GSE1: variants seen among roughly 807,000 people sequenced by gnomAD.
The protein encoded by GSE1 is Gse1 coiled-coil protein, also known as genetic suppressor element 1.
Under a neutral mutation model 112.6 loss-of-function variants are expected in GSE1, and 32 were observed. The observed-to-expected ratio is 0.28, with a 90% CI of 0.21 to 0.38. The LOEUF (loss-of-function observed/expected upper bound fraction) is 0.38. GSE1 is among the 10% of genes least tolerant of loss of function. The probability of loss-of-function intolerance (pLI) is 1.00; values close to 1 mark genes in which losing one functional copy is unlikely to be tolerated. For missense variants in GSE1, 2,348 were observed against 1,699.2 expected (o/e 1.38, Z -6.71); for synonymous variants, 1,115 against 735.6 (o/e 1.52, Z -8.35).
intron 15 of GSE1, 34 bp downstream of exon 15, chr16:85,671,132 G>A (rs753176351): frequency 1.4e-5 from 17 of 1,220,638 alleles, no homozygotes; most frequent in East Asian, 4.7e-5. Context: ...CTTCAAACAC[G>A]CAACCTTTTG....
chr16:85,624,979 G>A (rs2048972778), intron 1 of GSE1, among the ~76,000 whole-genome samples: 1 of 152,186 alleles, frequency 6.6e-6, no homozygotes, highest in South Asian at 2.1e-4. Context: ...GGGAAGTAAG[G>A]GTACAGGTAG....
At chr16:85,575,914 T>TTC (rs2046209987) in intron 1 of GSE1, among the ~76,000 whole-genome samples, 1 of 152,130 alleles carries the variant, frequency 6.6e-6, no homozygotes, top group Non-Finnish European at 1.5e-5. Context: ...TTTTTTTTTT[T>TTC]TTTTCCCCTT....
chr16:85,626,741 G>A (rs998158324), intron 1 of GSE1, among the ~76,000 whole-genome samples: 3 of 152,136 alleles, frequency 2.0e-5, no homozygotes, highest in East Asian at 1.9e-4. Flanking sequence ...GGGAAGAGCC[G>A]GGATGAAAGG....
At chr16:85,223,439 C>G (rs2017448684) in intron 1 of GSE1, among the ~76,000 whole-genome samples, 1 of 150,048 alleles carries the variant, frequency 6.7e-6, no homozygotes, top group South Asian at 2.1e-4. Context: ...AGGAGAATAG[C>G]TTGAACCCGG....
intron 1 of GSE1, among the ~76,000 whole-genome samples, chr16:85,355,464 C>T (rs1319011124): frequency 6.6e-6 from 1 of 152,188 alleles, no homozygotes; most frequent in Admixed American, 6.5e-5. Context: ...ACCCTGGGCT[C>T]CTACCAACTC....
At chr16:85,289,796 G>A (rs1253559575) in intron 1 of GSE1, among the ~76,000 whole-genome samples, 2 of 152,152 alleles carry the variant, frequency 1.3e-5, no homozygotes, top group Non-Finnish European at 2.9e-5. Context: ...CCCTCAACTG[G>A]TTCAGCCTCT....
chr16:85,489,267 A>G (rs2050935685), intron 2 of GSE1, among the ~76,000 whole-genome samples: 1 of 151,646 alleles, frequency 6.6e-6, no homozygotes, highest in African/African-American at 2.4e-5. Flanking sequence ...GCCCCTCCCC[A>G]TCCTGGATGG....
At chr16:85,431,281 A>G (rs1567481349) in intron 2 of GSE1, among the ~76,000 whole-genome samples, 1 of 152,206 alleles carries the variant, frequency 6.6e-6, no homozygotes, top group East Asian at 1.9e-4. Context: ...GCCAGCCTCC[A>G]GGCCCTGTCC....
At chr16:85,467,677 C>T (rs966875925) in intron 2 of GSE1, among the ~76,000 whole-genome samples, 5 of 152,180 alleles carry the variant, frequency 3.3e-5, no homozygotes, top group African/African-American at 1.2e-4. Context: ...CCTTTCCTGA[C>T]CTAGCCAAAG....
rs572333548 is a variant in GSE1 at position 85,311,358 on chromosome 16, C to T, written c.2284-46105C>T. Among the ~76,000 whole-genome samples, 1 of 152,198 alleles carries T rather than the reference C, an allele frequency of 6.6e-6. No homozygotes were observed. The highest frequency in any genetic ancestry group is 1.5e-5 in the Non-Finnish European group (1 of 68,012). On this transcript the variant is annotated intron_variant, in intron 1 of 2. Coordinates refer to the GSE1 transcript ENST00000637419. The surrounding 1 kb of genome is among the most constrained non-coding windows in gnomAD (Gnocchi z 4.2). ...GAAACGGTGGTGGCAGGACCCAAGA[C>T]TGTGCAGTTCTAAACCAGCTCTGGT...
chr16:85,385,140 C>CCCT (rs1209867028), intron 2 of GSE1, among the ~76,000 whole-genome samples: 1 of 152,246 alleles, frequency 6.6e-6, no homozygotes, highest in African/African-American at 2.4e-5. Flanking sequence ...CACCCTGGGC[C>CCCT]GAGCCACATG....
intron 1 of GSE1, among the ~76,000 whole-genome samples, chr16:85,569,765 C>G (rs542436260): frequency 6.6e-6 from 1 of 152,196 alleles, no homozygotes; most frequent in East Asian, 1.9e-4. Context: ...ACACTGTGGC[C>G]GTGGCGTGCG....
At chr16:85,647,857 T>G (rs1041650772) in intron 2 of GSE1, among the ~76,000 whole-genome samples, 2 of 152,106 alleles carry the variant, frequency 1.3e-5, no homozygotes, top group Non-Finnish European at 2.9e-5. Flanking sequence ...AGTGCTGGGA[T>G]TACAGGCGGG....
intron 1 of GSE1, among the ~76,000 whole-genome samples, chr16:85,292,771 C>T (rs181775244): frequency 2.3e-3 from 356 of 152,298 alleles, no homozygotes; most frequent in Middle Eastern, 3.4e-3. Context: ...GAATGAACCA[C>T]TGGTAAGTGT....
chr16:85,545,760 T>C (rs1431373765), intron 2 of GSE1, among the ~76,000 whole-genome samples: 1 of 152,048 alleles, frequency 6.6e-6, no homozygotes, highest in East Asian at 1.9e-4. Flanking sequence ...GTGTTGTTAG[T>C]TTGTTTTTTT....
intron 1 of GSE1, among the ~76,000 whole-genome samples, chr16:85,250,350 C>T (rs374756855): frequency 5.9e-5 from 9 of 152,206 alleles, no homozygotes; most frequent in Admixed American, 1.3e-4. Context: ...CCTGCAGGAC[C>T]GGCTGGCAGT....
At chr16:85,356,290 C>T (rs1170962740) in intron 1 of GSE1, among the ~76,000 whole-genome samples, 2 of 152,244 alleles carry the variant, frequency 1.3e-5, no homozygotes, top group Non-Finnish European at 2.9e-5. Context: ...TGGAGAGGCA[C>T]GTTTTGCAGT....
intron 2 of GSE1, among the ~76,000 whole-genome samples, chr16:85,483,541 C>G (rs1441467920): frequency 6.6e-6 from 1 of 152,290 alleles, no homozygotes; most frequent in Non-Finnish European, 1.5e-5. Context: ...ACAGTTGTTT[C>G]TGCTCCCTTC....
At chr16:85,492,770 C>A (rs116049264) in intron 2 of GSE1, among the ~76,000 whole-genome samples, 6 of 151,786 alleles carry the variant, frequency 4.0e-5, no homozygotes, top group Admixed American at 3.9e-4. Flanking sequence ...CATGACCTCA[C>A]GGTGCCTTTC....
Sources: allele counts gnomAD v4.1 joint callset (sites outside exome capture counted in the v4.1 genomes callset), GRCh38; gene constraint gnomAD v4.1.1; non-coding constraint Gnocchi (gnomAD v3.1); transcripts MANE v1.5; gene names NCBI Gene and HGNC (gene_info 2026-07-23, HGNC 2026-07-21).